The following LMO2 variants were observed in gnomAD, a reference collection of about 807,000 sequenced individuals.
LMO2 encodes the protein LIM domain only 2.
LMO2 carries 20 observed loss-of-function variants against 23.2 expected under a neutral mutation model. That is an observed-to-expected ratio of 0.86 (90% CI 0.61 to 1.25). LMO2 has a LOEUF of 1.25. Ranked by LOEUF, LMO2 falls within the 50% of genes most tolerant of loss-of-function variation. The probability of loss-of-function intolerance (pLI) is 0.00; values close to 1 mark genes in which losing one functional copy is unlikely to be tolerated. For synonymous variants in LMO2, 123 were observed against 130.2 expected (o/e 0.94, Z 0.38); for missense variants, 270 against 315.3 (o/e 0.86, Z 1.09).
intron 2 of LMO2, among the ~76,000 whole-genome samples, chr11:33,872,375 G>GCC (rs1857045982): frequency 6.6e-6 from 1 of 152,214 alleles, no homozygotes; most frequent in Non-Finnish European, 1.5e-5. Flanking sequence ...CTAAGTTATT[G>GCC]TGGGGATTAT....
At chr11:33,889,217 G>GTA (rs1009007817) in intron 1 of LMO2, among the ~76,000 whole-genome samples, 4 of 152,154 alleles carry the variant, frequency 2.6e-5, no homozygotes, top group Non-Finnish European at 4.4e-5. Context: ...ACCAGGCACT[G>GTA]TACTGGGCAC....
At chr11:33,866,296 T>C (rs1856780098) in intron 4 of LMO2, among the ~76,000 whole-genome samples, 1 of 152,172 alleles carries the variant, frequency 6.6e-6, no homozygotes, top group South Asian at 2.1e-4. Context: ...CATGAGACTA[T>C]CATCTTTGGA....
intron 2 of LMO2, among the ~76,000 whole-genome samples, chr11:33,876,398 G>A (rs1223437401): frequency 2.6e-5 from 4 of 152,186 alleles, no homozygotes; most frequent in Non-Finnish European, 5.9e-5. Flanking sequence ...ACGTGTGGCT[G>A]GCCCTCAATA....
rs1031682921 is a variant in LMO2 at position 33,880,482 on chromosome 11, A to G, written c.-272+1342T>C. On this transcript the variant is annotated intron_variant, in intron 2 of 5. Coordinates refer to ENST00000257818, the MANE Select transcript of LMO2 (RefSeq NM_005574.4). This position sits in a 1 kb window ranked among gnomAD's most constrained non-coding sequence, Gnocchi z 4.3. ...AGTACTTAAACAAATACATAGAGAC[A>G]GAAAGTCGAATGGTGGTTGCCAGGA... Among the ~76,000 whole-genome samples the G allele has an allele frequency of 6.6e-6, 1 of 152,178 alleles. No individual in the cohort carries two copies. Among genetic ancestry groups the G allele is most frequent in the Non-Finnish European group, 1.5e-5 (1 of 68,022 alleles).
chr11:33,865,236 G>A, intron 4 of LMO2: 1 of 278,174 alleles, frequency 3.6e-6, no homozygotes. Context: ...AACCTCAAAG[G>A]ACGCACTCTG....
Position 33,864,731 on chromosome 11 carries a change from A to T in LMO2, c.335T>A (p.Leu112Gln), listed in dbSNP as rs781246104. Residue 112 changes from leucine (L) to glutamine (Q), a missense_variant, in exon 5 of 6, where the codon CTG (leucine) becomes CAG (glutamine). Transcript: ENST00000257818. The surrounding 1 kb of genome is among the most constrained non-coding windows in gnomAD (Gnocchi z 4.8). ...CQQNIGDRYFLKAIDQYWHED... is the reference protein window; with the variant it reads ...CQQNIGDRYFQKAIDQYWHED... The stretch of plus-strand genomic sequence containing the variant: ...GTGCCAGTACTGGTCGATGGCCTTC[A>T]GGAAGTAGCGGTCCCCAATGTTCTG... 6.2e-7 allele frequency: 1 copy of T among 1,614,042 alleles called. No individual in the cohort carries two copies. Among genetic ancestry groups the T allele is most frequent in the Admixed American group, 1.7e-5 (1 of 60,026 alleles).
At chr11:33,872,505 G>C (rs1304375709) in intron 2 of LMO2, among the ~76,000 whole-genome samples, 12 of 152,194 alleles carry the variant, frequency 7.9e-5, no homozygotes, top group Non-Finnish European at 1.8e-4. Flanking sequence ...AATGGCAGCT[G>C]CTATGTTATA....
Position 33,859,005 on chromosome 11 carries a change from C to T in LMO2, c.*351G>A. 2 of 284,536 alleles carry T rather than the reference C, an allele frequency of 7.0e-6. No homozygotes were observed. The highest frequency in any genetic ancestry group is 1.1e-3 in the Middle Eastern group (1 of 934). 17.6% of individuals were successfully genotyped at this position (284,536 alleles called of 1,614,324 possible). On this transcript the variant is annotated 3_prime_UTR_variant, in exon 6 of 6. Transcript: ENST00000257818. ...TAGTTCGCAAGCGTCAAAGTCACAA[C>T]AAGTCTGTACACAACAACTCTCTAT...
rs993381219 is a variant in LMO2 at position 33,859,206 on chromosome 11, A to G, written c.*150T>C. The G allele has an allele frequency of 1.6e-6, 1 of 606,694 alleles. No homozygotes were observed. The highest frequency in any genetic ancestry group is 3.0e-6 in the Non-Finnish European group (1 of 338,540). 37.6% of individuals were successfully genotyped at this position (606,694 alleles called of 1,614,324 possible). A position where few individuals can be genotyped will look rare whatever the true frequency, so the allele number is the denominator to read the frequency against. On this transcript the variant is annotated 3_prime_UTR_variant, in exon 6 of 6. Coordinates refer to ENST00000257818, the MANE Select transcript of LMO2 (RefSeq NM_005574.4). Reference sequence around the variant, plus strand: ...CCCTGAATTATGCCACTTGGATGCTATGTCTTGATACCCAATAAAGGTCTA... The same window carrying G: ...CCCTGAATTATGCCACTTGGATGCTGTGTCTTGATACCCAATAAAGGTCTA...
rs1314267904 is a variant in LMO2 at position 33,869,579 on chromosome 11, C to G, written c.15G>C (p.Ala5=). 3 of 1,300,346 alleles carry G rather than the reference C, an allele frequency of 2.3e-6. No homozygotes were observed. In the African/African-American group the frequency reaches 4.8e-5, roughly 21 times the overall value. The allele number at this position is 1,300,346 out of a possible 1,614,324, so 80.6% of individuals were successfully genotyped here. ...CCCCTCCGCGCTCAAGGACAGTCAC[C>G]GCGCTCCCTTCAAACGCCAAAGAGA... MEGS[A]VTVLERGGAS... is the part of the protein sequence containing the mutation. The change falls in exon 4 of 6, where the codon GCG becomes GCC. Residue 5 remains alanine (A), a synonymous_variant. Transcript: ENST00000257818.
At position 33,880,254 on chromosome 11, in the gene LMO2, T is replaced by TATATATCATATATACACATG. The variant is rs1314100282; in HGVS notation, c.-272+1569_-272+1570insCATGTGTATATATGATATAT. Reference sequence around the variant, plus strand: ...ATATATATATCATATATACACATGATATATATATCATACATACACATGATA... The same window carrying TATATATCATATATACACATG: ...ATATATATATCATATATACACATGATATATATCATATATACACATGATATATATCATACATACACATGATA... On this transcript the variant is annotated intron_variant, in intron 2 of 5. Coordinates refer to ENST00000257818, the MANE Select transcript of LMO2 (RefSeq NM_005574.4). This position sits in a 1 kb window ranked among gnomAD's most constrained non-coding sequence, Gnocchi z 4.3. Among the ~76,000 whole-genome samples the TATATATCATATATACACATG allele has an allele frequency of 2.3e-4, 11 of 47,478 alleles. 1 individual carries two copies. Among genetic ancestry groups the TATATATCATATATACACATG allele is most frequent in the Middle Eastern group, 7.9e-3 (1 of 126 alleles). 31.1% of individuals were successfully genotyped at this position (47,478 alleles called of 152,430 possible).
chr11:33,889,865 A>G (rs1275367398), intron 1 of LMO2, among the ~76,000 whole-genome samples: 3 of 152,222 alleles, frequency 2.0e-5, no homozygotes, highest in Non-Finnish European at 2.9e-5. Flanking sequence ...AGCACTAGTC[A>G]CAATAGCAAA....
rs1353975998 is a variant in LMO2, at chr11:33,873,129, C to G, written c.-271-3142G>C. ...CCTTGTCACAGTTTTGCATGGGGCT[C>G]AAGTCAGTTTTTAAATTAAATATAT... On this transcript the variant is annotated intron_variant, in intron 2 of 5. Coordinates refer to ENST00000257818, the MANE Select transcript of LMO2 (RefSeq NM_005574.4). Among the ~76,000 whole-genome samples the G allele has an allele frequency of 2.0e-5, 3 of 152,080 alleles. No homozygotes were observed. In the East Asian group the frequency reaches 5.8e-4, roughly 29 times the overall value.
chr11:33,871,843 C>T (rs753813113), intron 2 of LMO2, among the ~76,000 whole-genome samples: 4 of 152,172 alleles, frequency 2.6e-5, no homozygotes, highest in Non-Finnish European at 4.4e-5. Context: ...TATCAGTTAG[C>T]ATGTCCTAGG....
At chr11:33,870,092 A>T (rs1254000258) in intron 2 of LMO2, 105 bp from the exon 3 acceptor site, 11 of 305,358 alleles carry the variant, frequency 3.6e-5, no homozygotes, top group Admixed American at 1.4e-4. Flanking sequence ...TTTTTTTTAA[A>T]CGGGGCTCCT....
intron 2 of LMO2, among the ~76,000 whole-genome samples, chr11:33,878,442 A>C (rs1857188825): frequency 3.3e-5 from 5 of 152,212 alleles, no homozygotes; most frequent in Admixed American, 2.6e-4. Context: ...ACAACTTACT[A>C]TCTGGGTCAT....
At chr11:33,860,974 T>G (rs559887434) in intron 5 of LMO2, among the ~76,000 whole-genome samples, 22 of 152,266 alleles carry the variant, frequency 1.4e-4, no homozygotes, top group South Asian at 8.3e-4. Flanking sequence ...AAGACCCAGC[T>G]TCAATGTCCC....
At chr11:33,862,194 A>G (rs968979262) in intron 5 of LMO2, among the ~76,000 whole-genome samples, 55 of 152,192 alleles carry the variant, frequency 3.6e-4, no homozygotes, top group African/African-American at 1.2e-3. Flanking sequence ...ATCCTCAGGC[A>G]AAGTCCCTCA....
chr11:33,872,008 A>AATCCCAGCACTTTGAGAGGCCGAGGCG (rs567644424), intron 2 of LMO2, among the ~76,000 whole-genome samples: 2 of 152,050 alleles, frequency 1.3e-5, no homozygotes, highest in South Asian at 2.1e-4. Flanking sequence ...CCACACCTGT[A>AATCCCAGCACTTTGAGAGGCCGAGGCG]ATCCCAGCAC....
Sources: gnomAD v4.1 joint callset for allele counts (sites outside exome capture counted in the v4.1 genomes callset) on GRCh38, gnomAD v4.1.1 for gene constraint, Gnocchi (gnomAD v3.1) non-coding constraint, MANE v1.5 for transcripts, NCBI Gene and HGNC (gene_info 2026-07-23, HGNC 2026-07-21) for gene names.